SGMS1: variants seen among roughly 807,000 people sequenced by gnomAD.
The protein encoded by SGMS1 is phosphatidylcholine:ceramide cholinephosphotransferase 1.
SGMS1 carries 13 observed loss-of-function variants against 46.2 expected under a neutral mutation model. The ratio of observed to expected loss-of-function variants is 0.28; its 90% confidence interval spans 0.18 to 0.45. The LOEUF (loss-of-function observed/expected upper bound fraction) is 0.45. Among genes scored for constraint, SGMS1 ranks in the 20% least tolerant of loss-of-function variants. The pLI is 1.00. For missense variants in SGMS1, 324 were observed against 519.9 expected (o/e 0.62, Z 3.66); for synonymous variants, 203 against 187.8 (o/e 1.08, Z -0.66).
At chr10:50,316,397 T>TG (rs1428604384) in intron 8 of SGMS1, among the ~76,000 whole-genome samples, 1 of 152,200 alleles carries the variant, frequency 6.6e-6, no homozygotes, top group Non-Finnish European at 1.5e-5. Flanking sequence ...TCTCCAGTGT[T>TG]GGAGCCGAGC....
intron 1 of SGMS1, among the ~76,000 whole-genome samples, chr10:50,602,901 G>A (rs1838661585): frequency 6.6e-6 from 1 of 152,100 alleles, no homozygotes; most frequent in South Asian, 2.1e-4. Flanking sequence ...ATTTTACAGT[G>A]ATCTATTTTG....
At chr10:50,330,099 A>G (rs1233736356) in intron 7 of SGMS1, among the ~76,000 whole-genome samples, 2 of 152,210 alleles carry the variant, frequency 1.3e-5, no homozygotes, top group African/African-American at 4.8e-5. Flanking sequence ...AACATTGCTC[A>G]GAACTTGACT....
intron 3 of SGMS1, among the ~76,000 whole-genome samples, chr10:50,496,637 C>T (rs1837617772): frequency 6.6e-6 from 1 of 152,140 alleles, no homozygotes; most frequent in Non-Finnish European, 1.5e-5. Flanking sequence ...GCTCCCAGAT[C>T]CCAGTTTAAA....
chr10:50,384,784 A>G (rs370724523), intron 6 of SGMS1, among the ~76,000 whole-genome samples: 1 of 152,046 alleles, frequency 6.6e-6, no homozygotes, highest in Non-Finnish European at 1.5e-5. Context: ...AGGTTTAAAG[A>G]GAAGCTGCAA....
intron 5 of SGMS1, among the ~76,000 whole-genome samples, chr10:50,452,292 T>A (rs886797367): frequency 2.0e-5 from 3 of 152,156 alleles, no homozygotes; most frequent in Admixed American, 2.0e-4. Context: ...TCCACCTCAC[T>A]CTTCACCTAA....
intron 2 of SGMS1, among the ~76,000 whole-genome samples, chr10:50,574,961 G>GTATAAATATATATATATATA (rs1491469065): frequency 2.2e-5 from 1 of 45,294 alleles, no homozygotes; most frequent in Non-Finnish European, 4.4e-5. Context: ...GGAAAATGTG[G>GTATAAATATATATATATATA]TGTATATATA....
chr10:50,505,953 G>A (rs1193446141), intron 3 of SGMS1, among the ~76,000 whole-genome samples: 2 of 152,166 alleles, frequency 1.3e-5, no homozygotes, highest in Non-Finnish European at 2.9e-5. Flanking sequence ...CTGCAGACAT[G>A]GCACCAGCCT....
chr10:50,621,193 A>AC (rs1838846734), intron 1 of SGMS1, among the ~76,000 whole-genome samples: 2 of 151,848 alleles, frequency 1.3e-5, no homozygotes, highest in Non-Finnish European at 2.9e-5. Flanking sequence ...AAAACAAACA[A>AC]AAAAAAACTG....
At chr10:50,319,666 T>G (rs1847408351) in intron 8 of SGMS1, among the ~76,000 whole-genome samples, 1 of 152,224 alleles carries the variant, frequency 6.6e-6, no homozygotes, top group South Asian at 2.1e-4. Flanking sequence ...GAATGTTGCC[T>G]TCTGTTTAAA....
At chr10:50,406,824 C>G (rs908005878) in intron 6 of SGMS1, among the ~76,000 whole-genome samples, 7 of 152,026 alleles carry the variant, frequency 4.6e-5, no homozygotes, top group Non-Finnish European at 1.0e-4. Context: ...CCCACCTCAG[C>G]CTCCCAGGCA....
At chr10:50,375,423 G>A (rs1420254233) in intron 6 of SGMS1, among the ~76,000 whole-genome samples, 1 of 152,212 alleles carries the variant, frequency 6.6e-6, no homozygotes, top group Non-Finnish European at 1.5e-5. Context: ...TTACCTTGTA[G>A]CAGGCATGGC....
chr10:50,600,545 C>A (rs1327894797), intron 1 of SGMS1, among the ~76,000 whole-genome samples: 2 of 152,200 alleles, frequency 1.3e-5, no homozygotes. Context: ...AATCACATCC[C>A]AGCTGCCTCT....
intron 9 of SGMS1, 90 bp from the exon 10 acceptor site, chr10:50,308,238 T>A (rs1377040120): frequency 8.8e-7 from 1 of 1,130,274 alleles, no homozygotes; most frequent in Non-Finnish European, 1.2e-6. Flanking sequence ...CTGAATCCAA[T>A]TACCTTGAGT....
intron 6 of SGMS1, among the ~76,000 whole-genome samples, chr10:50,350,441 G>A (rs1212633416): frequency 6.6e-6 from 1 of 152,208 alleles, no homozygotes; most frequent in African/African-American, 2.4e-5. Context: ...TTCATAAGTA[G>A]TAAGGAGCTT....
intron 6 of SGMS1, among the ~76,000 whole-genome samples, chr10:50,398,912 T>C (rs1848889663): frequency 6.6e-6 from 1 of 152,058 alleles, no homozygotes; most frequent in South Asian, 2.1e-4. Flanking sequence ...ATACTACTTA[T>C]GGATATCAAA....
intron 5 of SGMS1, among the ~76,000 whole-genome samples, chr10:50,450,727 C>CA (rs1391197348): frequency 1.3e-5 from 2 of 151,752 alleles, no homozygotes; most frequent in African/African-American, 4.8e-5. Flanking sequence ...AAACCCAGTA[C>CA]AAAAAAGAGA....
intron 6 of SGMS1, among the ~76,000 whole-genome samples, chr10:50,383,372 G>A (rs556174775): frequency 7.2e-4 from 109 of 152,136 alleles, no homozygotes; most frequent in African/African-American, 2.5e-3. Context: ...TCTTTTAAAC[G>A]TGTATTCTTC....
chr10:50,313,874 C>A (rs1417634989), intron 8 of SGMS1, among the ~76,000 whole-genome samples: 2 of 151,992 alleles, frequency 1.3e-5, no homozygotes, highest in South Asian at 4.2e-4. Flanking sequence ...TTACAGGTAC[C>A]CTTAGAGACC....
chr10:50,559,712 T>C (rs1247760116), intron 2 of SGMS1, among the ~76,000 whole-genome samples: 3 of 152,270 alleles, frequency 2.0e-5, no homozygotes, highest in African/African-American at 7.2e-5. Flanking sequence ...GAATCTCACA[T>C]AGCAAACTCT....
Sources: gnomAD v4.1 joint callset for allele counts (sites outside exome capture counted in the v4.1 genomes callset) on GRCh38, gnomAD v4.1.1 for gene constraint, MANE v1.5 for transcripts, NCBI Gene and HGNC (gene_info 2026-07-23, HGNC 2026-07-21) for gene names.